The following SIPA1L3 variants were observed in gnomAD, a reference collection of about 807,000 sequenced individuals.
SIPA1L3 encodes signal induced proliferation associated 1 like 3, also known as signal-induced proliferation-associated 1-like protein 3.
In SIPA1L3, 59 loss-of-function variants were observed where a neutral mutation model predicts 150.1. The ratio of observed to expected loss-of-function variants is 0.39; its 90% CI spans 0.32 to 0.49. SIPA1L3 has a LOEUF of 0.49. Among genes scored for constraint, SIPA1L3 ranks in the 20% least tolerant of loss-of-function variants. The probability of loss-of-function intolerance (pLI) is 0.86; values close to 1 mark genes in which losing one functional copy is unlikely to be tolerated. For synonymous variants in SIPA1L3, 1,070 were observed against 1,077.6 expected (o/e 0.99, Z 0.14); for missense variants, 2,211 against 2,489.5 (o/e 0.89, Z 2.38).
chr19:38,094,066 A>G (rs1457217465), intron 4 of SIPA1L3, among the ~76,000 whole-genome samples: 1 of 152,190 alleles, frequency 6.6e-6, no homozygotes, highest in Admixed American at 6.5e-5. Flanking sequence ...AGGGTTAGAG[A>G]TTTGGGTTTT....
chr19:38,152,179 C>T (rs1971839526), intron 12 of SIPA1L3, among the ~76,000 whole-genome samples: 1 of 152,130 alleles, frequency 6.6e-6, no homozygotes, highest in South Asian at 2.1e-4. Flanking sequence ...GTAGAACACA[C>T]AGAGTTCTAG....
chr19:37,951,139 C>T (rs183681603), intron 1 of SIPA1L3, among the ~76,000 whole-genome samples: 217 of 152,330 alleles, frequency 1.4e-3, no homozygotes, highest in African/African-American at 4.9e-3. Flanking sequence ...CTGGAATATG[C>T]CCTTGAAACT....
At chr19:37,992,032 T>C (rs928397981) in intron 1 of SIPA1L3, among the ~76,000 whole-genome samples, 25 of 96,694 alleles carry the variant, frequency 2.6e-4, no homozygotes, top group African/African-American at 8.9e-4. Context: ...GGTCATCTTA[T>C]GCAGAGTGTT....
chr19:38,014,207 T>G (rs552372673), intron 1 of SIPA1L3, among the ~76,000 whole-genome samples: 1 of 152,222 alleles, frequency 6.6e-6, no homozygotes, highest in Non-Finnish European at 1.5e-5. Context: ...TGGGCCTCTG[T>G]CAGGCTAGGA....
chr19:37,977,612 G>A (rs777131163), intron 1 of SIPA1L3, among the ~76,000 whole-genome samples: 1 of 151,954 alleles, frequency 6.6e-6, no homozygotes, highest in East Asian at 1.9e-4. Context: ...GGAGGAACGA[G>A]GGAGAAACAG....
At chr19:37,940,241 G>A (rs573473618) in intron 1 of SIPA1L3, among the ~76,000 whole-genome samples, 13 of 150,952 alleles carry the variant, frequency 8.6e-5, no homozygotes, top group East Asian at 3.9e-4. Context: ...AGATTGCACC[G>A]CTGCGTTCCA....
Position 38,081,555 on chromosome 19 carries a change from G to C in SIPA1L3, c.-11G>C. On this transcript the variant is annotated 5_prime_UTR_variant, in exon 3 of 22. Transcript: ENST00000222345. ...CGTACGGGGCCAGCAGCACTCCAGTGCCCGTGGACTATGACCACCTATCGG... is the reference window on the plus strand; with the variant it reads ...CGTACGGGGCCAGCAGCACTCCAGTCCCCGTGGACTATGACCACCTATCGG... 1 of 1,565,756 alleles carries C rather than the reference G, an allele frequency of 6.4e-7. No homozygotes were observed. The highest frequency in any genetic ancestry group is 1.2e-5 in the South Asian group (1 of 84,822).
At chr19:38,111,968 TGCACAC>T (rs1970763990) in intron 8 of SIPA1L3, among the ~76,000 whole-genome samples, 2 of 90,588 alleles carry the variant, frequency 2.2e-5, no homozygotes, top group African/African-American at 7.4e-5. Flanking sequence ...CACACGTACA[TGCACAC>T]ACATGCACAC....
chr19:38,187,313 G>A (rs1375960666), intron 16 of SIPA1L3, among the ~76,000 whole-genome samples: 3 of 151,616 alleles, frequency 2.0e-5, no homozygotes, highest in African/African-American at 7.3e-5. Flanking sequence ...TTAGCCAGGT[G>A]TGGTGGCAGG....
At chr19:38,153,050 C>A in intron 13 of SIPA1L3, 83 bp downstream of exon 13, 1 of 1,496,482 alleles carries the variant, frequency 6.7e-7, no homozygotes. Context: ...GGCAACACTC[C>A]CCCTCTTGTG....
rs1971615611 is a variant in SIPA1L3, at chr19:38,142,582, C to T, written c.3405C>T (p.Ser1135=). 6.2e-7 allele frequency: 1 copy of T among 1,608,914 alleles called. No individual in the cohort carries two copies. Among genetic ancestry groups the T allele is most frequent in the African/African-American group, 1.3e-5 (1 of 74,980 alleles). ...SQPLHSKRPV[S]FPETPYTVSP... ...CCCTGTCTCCTTCTAGGCCTGTCAG[C>T]TTCCCAGAAACCCCTTACACAGTAT... Residue 1135 remains serine, a synonymous_variant, in exon 12 of 22, where the codon AGC becomes AGT. Transcript: ENST00000222345.
At chr19:38,126,223 C>T (rs947899221) in intron 9 of SIPA1L3, among the ~76,000 whole-genome samples, 8 of 152,094 alleles carry the variant, frequency 5.3e-5, no homozygotes, top group Admixed American at 1.3e-4. Flanking sequence ...AAAAACACCA[C>T]GCAATTGAAG....
intron 1 of SIPA1L3, among the ~76,000 whole-genome samples, chr19:37,963,119 G>C (rs952648036): frequency 1.3e-5 from 2 of 152,136 alleles, no homozygotes; most frequent in African/African-American, 4.8e-5. Flanking sequence ...GTGTCTGTGG[G>C]TTGGGGAATA....
At chr19:38,044,341 T>C (rs1969001108) in intron 2 of SIPA1L3, among the ~76,000 whole-genome samples, 1 of 151,564 alleles carries the variant, frequency 6.6e-6, no homozygotes, top group East Asian at 1.9e-4. Flanking sequence ...AAAGTAGGGG[T>C]CCCCAGCACA....
Position 38,201,982 on chromosome 19 carries a change from C to T in SIPA1L3, c.5105C>T (p.Thr1702Ile). Residue 1702 changes from threonine to isoleucine, a missense_variant, in exon 20 of 22, where the codon ACC (threonine) becomes ATC (isoleucine). By Grantham distance (89) the Thr-to-Ile change is moderately conservative. Coordinates refer to ENST00000222345, the MANE Select transcript of SIPA1L3 (RefSeq NM_015073.3). ...GAGAGGGGACCCCCGACCCCCAGGA[C>T]CACCCCTACCATGAGGTGAGGTTTC... Reference protein sequence around the residue: ...SLERGPPTPRTTPTMSEEPPL... With the variant: ...SLERGPPTPRITPTMSEEPPL... The T allele has an allele frequency of 1.9e-6, 3 of 1,611,176 alleles. No homozygotes were observed. Among genetic ancestry groups the T allele is most frequent in the Non-Finnish European group, 2.5e-6 (3 of 1,178,780 alleles).
intron 1 of SIPA1L3, among the ~76,000 whole-genome samples, chr19:37,938,741 GCCTCAC>G (rs2046625148): frequency 1.3e-5 from 2 of 151,034 alleles, no homozygotes; most frequent in Non-Finnish European, 2.9e-5. Flanking sequence ...TCCTGCCTCA[GCCTCAC>G]GAGTAGTTGG....
At chr19:38,034,898 C>T (rs1324585681) in intron 2 of SIPA1L3, among the ~76,000 whole-genome samples, 1 of 152,180 alleles carries the variant, frequency 6.6e-6, no homozygotes. Context: ...ATTTGATATG[C>T]GCCTCCCCTG....
intron 9 of SIPA1L3, among the ~76,000 whole-genome samples, chr19:38,125,475 C>T (rs1971150550): frequency 2.0e-5 from 3 of 152,188 alleles, no homozygotes; most frequent in South Asian, 4.1e-4. Context: ...CTCTGTCCCA[C>T]ACCCACCCCC....
Position 38,202,310 on chromosome 19 carries a change from G to A in SIPA1L3, c.5120+313G>A, listed in dbSNP as rs558076928. On this transcript the variant is annotated intron_variant, in intron 20 of 21. Coordinates refer to ENST00000222345, the MANE Select transcript of SIPA1L3 (RefSeq NM_015073.3). ...AACTTTGAACACTGCTAAGCAGGCC[G>A]GGCGCGGTGGCTCACGCCTGTAAAC... Among the ~76,000 whole-genome samples, 10 of 152,286 alleles carry A rather than the reference G, an allele frequency of 6.6e-5. No homozygotes were observed. The East Asian group carries it at 9.7e-4, about 15-fold the overall frequency.
Sources: allele counts gnomAD v4.1 joint callset (sites outside exome capture counted in the v4.1 genomes callset), GRCh38; gene constraint gnomAD v4.1.1; transcripts MANE v1.5; gene names NCBI Gene and HGNC (gene_info 2026-07-23, HGNC 2026-07-21).